Variants in UBE3A observed in about 807,000 individuals in gnomAD.
The protein encoded by UBE3A is ubiquitin-protein ligase E3A.
A neutral mutation model predicts 83.4 loss-of-function variants in UBE3A; 6 were observed. The ratio of observed to expected loss-of-function variants is 0.07; its 90% CI spans 0.04 to 0.14. UBE3A has a LOEUF of 0.14. Among genes scored for constraint, UBE3A ranks in the 10% least tolerant of loss-of-function variants. UBE3A has a pLI of 1.00. For missense variants in UBE3A, 456 were observed against 1,036.1 expected (o/e 0.44, Z 7.69); for synonymous variants, 337 against 355.4 (o/e 0.95, Z 0.58).
intron 4 of UBE3A, among the ~76,000 whole-genome samples, chr15:25,401,843 C>A (rs1182342776): frequency 6.6e-6 from 1 of 152,026 alleles, no homozygotes. Flanking sequence ...GCTTTTAATG[C>A]TCTTTTGCAT....
chr15:25,400,230 T>C (rs1434014414), intron 4 of UBE3A, among the ~76,000 whole-genome samples: 1 of 152,250 alleles, frequency 6.6e-6, no homozygotes, highest in Non-Finnish European at 1.5e-5. Flanking sequence ...GTTAAAGTTA[T>C]TTCTAAGTAC....
intron 1 of UBE3A, chr15:25,415,685 T>C (rs950878804): frequency 5.3e-5 from 8 of 152,042 alleles, no homozygotes; most frequent in Admixed American, 4.6e-4. Context: ...TTTATTAATT[T>C]CTCCTTATAT....
rs59229274 is a variant in UBE3A, at chr15:25,407,046, C to A, written c.21-1544G>T. The A allele has an allele frequency of 6.9e-4, 920 of 1,335,362 alleles. 6 individuals are homozygous for A. The African/African-American group carries it at 0.013, about 18-fold the overall frequency. The allele number at this position is 1,335,362 out of a possible 1,614,324, so 82.7% of individuals were successfully genotyped here. A position where few individuals can be genotyped will look rare whatever the true frequency, so the allele number is the denominator to read the frequency against. Reference sequence around the variant, plus strand: ...TCCACCCTCTCCCCCAGGGAGCAAGCAAATCACCTATGTGACACACCTGGT... The same window carrying A: ...TCCACCCTCTCCCCCAGGGAGCAAGAAAATCACCTATGTGACACACCTGGT... On this transcript the variant is annotated intron_variant, in intron 3 of 12. Transcript: ENST00000648336.
At chr15:25,410,407 A>T (rs75126022) in intron 2 of UBE3A, among the ~76,000 whole-genome samples, 1 of 152,142 alleles carries the variant, frequency 6.6e-6, no homozygotes. Flanking sequence ...GAAATATCCC[A>T]GTATCAAAAG....
Position 25,339,104 on chromosome 15 carries a change from C to A in UBE3A, c.*33G>T. 7.0e-7 allele frequency: 1 copy of A among 1,437,944 alleles called. No homozygotes were observed. The highest frequency in any genetic ancestry group is 9.2e-7 in the Non-Finnish European group (1 of 1,086,662). 89.1% of individuals were successfully genotyped at this position (1,437,944 alleles called of 1,614,324 possible). A position where few individuals can be genotyped will look rare whatever the true frequency, so the allele number is the denominator to read the frequency against. On this transcript the variant is annotated 3_prime_UTR_variant, in exon 13 of 13. Transcript: ENST00000648336. Reference sequence around the variant, plus strand: ...TTAAATTTTTTCTTTTTTTTTCCTTCCTTTTTTTTGTTTTATTTTGTTTTG... The same window carrying A: ...TTAAATTTTTTCTTTTTTTTTCCTTACTTTTTTTTGTTTTATTTTGTTTTG...
chr15:25,413,974 T>C (rs1310365934), intron 1 of UBE3A, among the ~76,000 whole-genome samples: 1 of 152,148 alleles, frequency 6.6e-6, no homozygotes, highest in Non-Finnish European at 1.5e-5. Context: ...CCACTTTTCT[T>C]AACCTAAACC....
At chr15:25,405,422 T>A (rs1359205434) in intron 4 of UBE3A, 39 bp downstream of exon 4, 1 of 1,610,746 alleles carries the variant, frequency 6.2e-7, no homozygotes, top group East Asian at 2.2e-5. Flanking sequence ...CTAGGGCAAC[T>A]CAAAATAAGA....
At chr15:25,389,275 G>C (rs1325180281) in intron 4 of UBE3A, among the ~76,000 whole-genome samples, 1 of 139,602 alleles carries the variant, frequency 7.2e-6, no homozygotes, top group Admixed American at 7.1e-5. Flanking sequence ...AAAAAAAAGA[G>C]TCTAGACACA....
intron 6 of UBE3A, among the ~76,000 whole-genome samples, chr15:25,367,258 T>C (rs1035006743): frequency 1.2e-4 from 9 of 73,582 alleles, no homozygotes; most frequent in South Asian, 4.1e-4. Context: ...TGCATATTTG[T>C]AAATATGTAA....
chr15:25,340,365 G>GAT, intron 11 of UBE3A, 137 bp from the exon 12 acceptor site: 1 of 1,088,262 alleles, frequency 9.2e-7, no homozygotes. Context: ...CACTTCTGGT[G>GAT]ATTTAAAAAT....
intron 1 of UBE3A, among the ~76,000 whole-genome samples, chr15:25,415,195 G>A (rs1278991975): frequency 2.0e-5 from 3 of 152,000 alleles, no homozygotes; most frequent in Non-Finnish European, 4.4e-5. Context: ...ATTTCATCTG[G>A]TTTCCCTTTT....
intron 4 of UBE3A, among the ~76,000 whole-genome samples, chr15:25,378,360 G>A (rs944327854): frequency 6.6e-6 from 1 of 152,078 alleles, no homozygotes; most frequent in Non-Finnish European, 1.5e-5. Context: ...GGATCCTAGG[G>A]AAACAATTGT....
intron 4 of UBE3A, among the ~76,000 whole-genome samples, chr15:25,379,090 C>A (rs941692263): frequency 1.3e-5 from 2 of 152,098 alleles, no homozygotes; most frequent in Non-Finnish European, 2.9e-5. Context: ...ACGTAAGTTT[C>A]CTCGTAATTT....
chr15:25,429,936 C>T (rs1290907137), intron 1 of UBE3A, among the ~76,000 whole-genome samples: 2 of 144,922 alleles, frequency 1.4e-5, no homozygotes, highest in Non-Finnish European at 3.0e-5. Flanking sequence ...ACCCAGGAGG[C>T]GGAGGCTGCA....
intron 6 of UBE3A, among the ~76,000 whole-genome samples, chr15:25,361,883 AT>A (rs142168555): frequency 0.073 from 11,112 of 152,324 alleles, 824 homozygotes; most frequent in East Asian, 0.42. Flanking sequence ...ACACAGCACT[AT>A]AGTAGTTAAA....
In UBE3A at chr15:25,355,942, C is replaced by G; in HGVS notation, c.2074G>C (p.Asp692His). 6.2e-7 allele frequency: 1 copy of G among 1,613,626 alleles called. No homozygotes were observed. Among genetic ancestry groups the G allele is most frequent in the Non-Finnish European group, 8.5e-7 (1 of 1,179,752 alleles). Residue 692 changes from aspartate to histidine, a missense_variant, in exon 9 of 13, where the codon GAT becomes CAT. Physicochemically the swap from Asp to His is moderately conservative, Grantham distance 81. Around this residue, in one of 13 missense-constraint regions of UBE3A, gnomAD observed 82 missense variants for 199.3 expected, o/e 0.41. Coordinates refer to ENST00000648336, the MANE Select transcript of UBE3A (RefSeq NM_130839.5). ...TDLFGNPMMYDLKENGDKIPI... is the reference protein window; with the variant it reads ...TDLFGNPMMYHLKENGDKIPI... ...ATTTTATCACCATTTTCCTTTAGAT[C>G]ATACATCATTGGGTTACCAAAAAGA... is the stretch of plus-strand genomic sequence containing the variant.
intron 1 of UBE3A, among the ~76,000 whole-genome samples, chr15:25,423,109 G>A (rs1014045271): frequency 4.6e-5 from 7 of 151,830 alleles, no homozygotes; most frequent in Admixed American, 2.0e-4. Flanking sequence ...AATTTCACAT[G>A]ACTAGATACT....
intron 9 of UBE3A, 75 bp from the exon 10 acceptor site, chr15:25,354,758 G>T: frequency 7.4e-7 from 1 of 1,358,234 alleles, no homozygotes; most frequent in Non-Finnish European, 1.0e-6. Context: ...GGGCTGCATA[G>T]CTTTTTAATT....
At chr15:25,397,791 T>G (rs370000674) in intron 4 of UBE3A, among the ~76,000 whole-genome samples, 39 of 152,244 alleles carry the variant, frequency 2.6e-4, no homozygotes, top group African/African-American at 9.4e-4. Flanking sequence ...GCCTCCACTT[T>G]GCCCCCAGTT....
Sources: gnomAD v4.1 joint callset for allele counts (sites outside exome capture counted in the v4.1 genomes callset) on GRCh38, gnomAD v4.1.1 for gene constraint, gnomAD v4.1.1 regional missense constraint, MANE v1.5 for transcripts, NCBI Gene and HGNC (gene_info 2026-07-23, HGNC 2026-07-21) for gene names.